The following FSD1L variants were observed in gnomAD, a reference collection of about 807,000 sequenced individuals.
The protein encoded by FSD1L is FSD1-like protein.
In FSD1L, 45 loss-of-function variants were observed where a neutral mutation model predicts 71.6. That is an observed-to-expected ratio of 0.63 (90% CI 0.49 to 0.81). FSD1L has a LOEUF of 0.81. FSD1L is among the 30% of genes least tolerant of loss of function. FSD1L has a pLI of 0.00. For missense variants in FSD1L, 561 were observed against 618.1 expected (o/e 0.91, Z 0.98); for synonymous variants, 197 against 207.2 (o/e 0.95, Z 0.42).
At chr9:105,521,521 T>C in intron 10 of FSD1L, 1 of 1,613,914 alleles carries the variant, frequency 6.2e-7, no homozygotes, top group African/African-American at 1.3e-5. Context: ...TTATTACCAA[T>C]TTGTGAAGCA....
At chr9:105,491,483 C>G (rs1832934012) in intron 7 of FSD1L, among the ~76,000 whole-genome samples, 1 of 152,078 alleles carries the variant, frequency 6.6e-6, no homozygotes, top group Non-Finnish European at 1.5e-5. Flanking sequence ...AACTGAATAC[C>G]CTTTATTTCC....
At position 105,482,470 on chromosome 9, in the gene FSD1L, C is replaced by T. The variant is rs539909531; in HGVS notation, c.465-1911C>T. ...TTTGCAAAAATCAGGAGCGAAGGAT[C>T]CTTGAATTTACCTTGTGCTGGTAGA... On this transcript the variant is annotated intron_variant, in intron 6 of 13. Transcript: ENST00000481272. Among the ~76,000 whole-genome samples, 321 of 152,222 alleles carry T rather than the reference C, an allele frequency of 2.1e-3. 1 individual carries two copies. The highest frequency in any genetic ancestry group is 7.3e-3 in the African/African-American group (302 of 41,530).
intron 10 of FSD1L, among the ~76,000 whole-genome samples, chr9:105,533,414 A>ATTTT (rs1271918066): frequency 7.5e-5 from 1 of 13,374 alleles, no homozygotes; most frequent in African/African-American, 2.1e-4. Flanking sequence ...TGCCATTTCC[A>ATTTT]TCTTTTTTTT....
Position 105,464,287 on chromosome 9 carries a change from C to G in FSD1L, c.163C>G (p.Gln55Glu). The change falls in exon 3 of 14, where the codon CAG becomes GAG. Residue 55 changes from glutamine (Q) to glutamate (E), a missense_variant. Gln to Glu is a conservative substitution (Grantham distance 29). This residue lies in a region of FSD1L where 410 missense variants were observed against 413.5 expected (regional missense o/e 0.99). Transcript: ENST00000481272. Reference sequence around the variant, plus strand: ...TCTGGCAAATAAAAATGATGAAATTCAGAACTTTATTGATACACTACATCA... The same window carrying G: ...TCTGGCAAATAAAAATGATGAAATTGAGAACTTTATTGATACACTACATCA... Reference protein sequence around the residue: ...STLANKNDEIQNFIDTLHHTL... With the variant: ...STLANKNDEIENFIDTLHHTL... 2.6e-6 allele frequency: 4 copies of G among 1,530,002 alleles called. No homozygotes were observed. The highest frequency in any genetic ancestry group is 3.5e-6 in the Non-Finnish European group (4 of 1,131,350). 94.8% of individuals were successfully genotyped at this position (1,530,002 alleles called of 1,614,324 possible).
In FSD1L at chr9:105,448,175, C is replaced by G. The variant is rs1829741554; in HGVS notation, c.-46C>G. The G allele has an allele frequency of 1.3e-6, 2 of 1,535,798 alleles. No individual in the cohort carries two copies. The highest frequency in any genetic ancestry group is 1.2e-5 in the South Asian group (1 of 83,832). ...TGCGATCTCGCTGAGCCTCCTCACA[C>G]GGTTCGTCGTCTCGGGTTCGAGCCC... On this transcript the variant is annotated 5_prime_UTR_variant, in exon 1 of 14. Transcript: ENST00000481272.
chr9:105,456,205 G>A (rs368086573), intron 1 of FSD1L, among the ~76,000 whole-genome samples: 1 of 152,160 alleles, frequency 6.6e-6, no homozygotes, highest in East Asian at 1.9e-4. Context: ...GTAGTACAGT[G>A]TAGTCCTTTA....
intron 7 of FSD1L, among the ~76,000 whole-genome samples, chr9:105,500,089 C>G (rs1833675160): frequency 6.6e-6 from 1 of 152,186 alleles, no homozygotes; most frequent in African/African-American, 2.4e-5. Context: ...TGTCTACTTT[C>G]TCCATTTTAT....
At chr9:105,460,247 C>T (rs1319623446) in intron 1 of FSD1L, among the ~76,000 whole-genome samples, 1 of 152,070 alleles carries the variant, frequency 6.6e-6, no homozygotes, top group Non-Finnish European at 1.5e-5. Flanking sequence ...AAGGGTCTTT[C>T]ATCTGTGGTA....
intron 4 of FSD1L, among the ~76,000 whole-genome samples, chr9:105,469,749 GGTT>G (rs1174126704): frequency 4.7e-5 from 7 of 149,120 alleles, no homozygotes; most frequent in African/African-American, 4.9e-5. Context: ...TTACTCTGTT[GGTT>G]GTTCTATTTG....
rs115194119 is a variant in FSD1L, at chr9:105,516,421, A to T, written c.1025+3485A>T. ...GAGACACCTCCCAGTAGGTGCCGAT[A>T]GATACCTCATACAGGAAAGCTCTGG... On this transcript the variant is annotated intron_variant, in intron 10 of 13. Transcript: ENST00000481272. 6.3e-3 allele frequency among the ~76,000 whole-genome samples: 964 copies of T among 152,284 alleles called. 17 individuals are homozygous for T. Among genetic ancestry groups the T allele is most frequent in the African/African-American group, 0.022 (915 of 41,572 alleles).
Position 105,452,975 on chromosome 9 carries a change from G to A in FSD1L, c.15+4740G>A, listed in dbSNP as rs183149726. ...TAGCCTTGAACTCTTGGGCTCAAACGATTGACCCGCCTTGGCCTCCTAAAG... is the reference window on the plus strand; with the variant it reads ...TAGCCTTGAACTCTTGGGCTCAAACAATTGACCCGCCTTGGCCTCCTAAAG... On this transcript the variant is annotated intron_variant, in intron 1 of 13. Coordinates refer to ENST00000481272, the MANE Select transcript of FSD1L (RefSeq NM_001145313.3). Among the ~76,000 whole-genome samples, 110 of 150,106 alleles carry A rather than the reference G, an allele frequency of 7.3e-4. 1 individual carries two copies. Among genetic ancestry groups the A allele is most frequent in the African/African-American group, 2.7e-3 (109 of 40,762 alleles).
At chr9:105,467,522 C>G (rs1001143799) in intron 3 of FSD1L, among the ~76,000 whole-genome samples, 3 of 152,030 alleles carry the variant, frequency 2.0e-5, no homozygotes, top group Non-Finnish European at 4.4e-5. Flanking sequence ...TTACTAGTAA[C>G]TAATTGTATG....
At chr9:105,533,416 C>CTTTTTTTTTTTTTTTTGTTTTTTTT (rs1836037398) in intron 10 of FSD1L, among the ~76,000 whole-genome samples, 1 of 29,070 alleles carries the variant, frequency 3.4e-5, no homozygotes, top group Admixed American at 6.6e-4. Flanking sequence ...CCATTTCCAT[C>CTTTTTTTTTTTTTTTTGTTTTTTTT]TTTTTTTTTT....
intron 1 of FSD1L, among the ~76,000 whole-genome samples, chr9:105,452,425 AG>A (rs1185192977): frequency 6.6e-6 from 1 of 152,240 alleles, no homozygotes; most frequent in African/African-American, 2.4e-5. Context: ...TCTTGTTCAC[AG>A]TCACACAGCT....
chr9:105,533,508 T>C (rs557638621), intron 10 of FSD1L, among the ~76,000 whole-genome samples: 1 of 141,254 alleles, frequency 7.1e-6, no homozygotes, highest in Admixed American at 7.6e-5. Flanking sequence ...CTACAACCTC[T>C]GCTTCCTGGG....
chr9:105,550,746 C>A lies in FSD1L; in HGVS notation c.*4263C>A, dbSNP rs1023740665. On this transcript the variant is annotated 3_prime_UTR_variant, in exon 14 of 14. Coordinates refer to ENST00000481272, the MANE Select transcript of FSD1L (RefSeq NM_001145313.3). ...GTTAGCATTGACTTATAAATAAATA[C>A]CAGAATTTACCAGAGTACACTTTTC... 3 of 151,960 alleles carry A rather than the reference C, an allele frequency of 2.0e-5. No individual in the cohort carries two copies. The highest frequency in any genetic ancestry group is 1.3e-4 in the Admixed American group (2 of 15,248). The allele number at this position is 151,960 out of a possible 1,614,324, so 9.4% of individuals were successfully genotyped here. A position where few individuals can be genotyped will look rare whatever the true frequency, so the allele number is the denominator to read the frequency against.
chr9:105,481,171 GT>G (rs1330532705), intron 6 of FSD1L, among the ~76,000 whole-genome samples: 34 of 133,250 alleles, frequency 2.6e-4, no homozygotes, highest in Non-Finnish European at 3.1e-4. Flanking sequence ...GTGTGTGTGT[GT>G]GTGTGTGGTT....
chr9:105,473,636 C>T (rs1187409113), intron 5 of FSD1L, among the ~76,000 whole-genome samples: 1 of 152,122 alleles, frequency 6.6e-6, no homozygotes, highest in African/African-American at 2.4e-5. Flanking sequence ...AACTGACAGC[C>T]TAAGAGTGAG....
At chr9:105,453,985 A>G (rs1195882819) in intron 1 of FSD1L, among the ~76,000 whole-genome samples, 4 of 152,226 alleles carry the variant, frequency 2.6e-5, no homozygotes, top group African/African-American at 7.2e-5. Context: ...ATTGCTGTTA[A>G]TTGAATTTTG....
Sources: gnomAD v4.1 joint callset for allele counts (sites outside exome capture counted in the v4.1 genomes callset) on GRCh38, gnomAD v4.1.1 for gene constraint, gnomAD v4.1.1 regional missense constraint, MANE v1.5 for transcripts, NCBI Gene and HGNC (gene_info 2026-07-23, HGNC 2026-07-21) for gene names.